The following ZNF135 variants were observed in gnomAD, a reference collection of about 807,000 sequenced individuals.
ZNF135 encodes the protein zinc finger protein 135.
Under a neutral mutation model 12.3 loss-of-function variants are expected in ZNF135, and 11 were observed. The ratio of observed to expected loss-of-function variants is 0.89; its 90% CI spans 0.56 to 1.48. The LOEUF is 1.48. ZNF135 is among the 40% of genes most tolerant of loss of function. The probability of loss-of-function intolerance (pLI) is 0.00; values close to 1 mark genes in which losing one functional copy is unlikely to be tolerated. For missense variants in ZNF135, 722 were observed against 815.7 expected (o/e 0.89, Z 1.40); for synonymous variants, 316 against 312.0 (o/e 1.01, Z -0.14).
rs756644356 is a variant in ZNF135, at chr19:58,060,572, A to T, written c.33+537A>T. 6.6e-6 allele frequency among the ~76,000 whole-genome samples: 1 copy of T among 152,180 alleles called. No homozygotes were observed. The highest frequency in any genetic ancestry group is 1.5e-5 in the Non-Finnish European group (1 of 68,024). ...GGCGCATCGAGTGCCGCTTCCTCAG[A>T]CGTCATGGAGGCCAAGGGGGCGGAA... On this transcript the variant is annotated intron_variant, in intron 2 of 4. Coordinates refer to ENST00000313434, the MANE Select transcript of ZNF135 (RefSeq NM_001289401.2). The surrounding 1 kb of genome is among the most constrained non-coding windows in gnomAD (Gnocchi z 4.9).
rs1762251849 is a variant in ZNF135 at position 58,059,592 on chromosome 19, C to G, written c.-35+282C>G. 1.9e-6 allele frequency: 1 copy of G among 523,256 alleles called. No homozygotes were observed. The highest frequency in any genetic ancestry group is 3.3e-6 in the Non-Finnish European group (1 of 299,738). The allele number at this position is 523,256 out of a possible 1,614,324, so 32.4% of individuals were successfully genotyped here. The stretch of plus-strand genomic sequence containing the variant: ...CCCTGAGGGAACGCGCGCCCCGCCC[C>G]TGGCCCCACCTCTGCCCCACACCGG... On this transcript the variant is annotated intron_variant, in intron 1 of 4. Coordinates refer to ENST00000313434, the MANE Select transcript of ZNF135 (RefSeq NM_001289401.2). The surrounding 1 kb of genome is among the most constrained non-coding windows in gnomAD (Gnocchi z 6.5).
At position 58,060,323 on chromosome 19, in the gene ZNF135, C is replaced by G. The variant is rs8100176; in HGVS notation, c.33+288C>G. The G allele has an allele frequency of 6.7e-3, 9,082 of 1,345,550 alleles. 484 individuals are homozygous for G. The African/African-American group carries it at 0.12, about 17-fold the overall frequency. 83.4% of individuals were successfully genotyped at this position (1,345,550 alleles called of 1,614,324 possible). A position where few individuals can be genotyped will look rare whatever the true frequency, so the allele number is the denominator to read the frequency against. ...CTCGTGTCCGGCCTCTACCTGCACACCCGGCCTCCTAAAGTCCGCGCCAAG... is the reference window on the plus strand; with the variant it reads ...CTCGTGTCCGGCCTCTACCTGCACAGCCGGCCTCCTAAAGTCCGCGCCAAG... On this transcript the variant is annotated intron_variant, in intron 2 of 4. Coordinates refer to ENST00000313434, the MANE Select transcript of ZNF135 (RefSeq NM_001289401.2). This position sits in a 1 kb window ranked among gnomAD's most constrained non-coding sequence, Gnocchi z 4.9.
At chr19:58,064,800 A>G (rs1289264096) in intron 4 of ZNF135, among the ~76,000 whole-genome samples, 1 of 152,106 alleles carries the variant, frequency 6.6e-6, no homozygotes, top group Non-Finnish European at 1.5e-5. Context: ...CTGAGGCAGG[A>G]GAACTGCTTG....
At position 58,060,200 on chromosome 19, in the gene ZNF135, G is replaced by A; in HGVS notation, c.33+165G>A. The A allele has an allele frequency of 6.8e-7, 1 of 1,477,660 alleles. No individual in the cohort carries two copies. Among genetic ancestry groups the A allele is most frequent in the Admixed American group, 2.1e-5 (1 of 47,464 alleles). The allele number at this position is 1,477,660 out of a possible 1,614,324, so 91.5% of individuals were successfully genotyped here. ...CGTGCCCGGCCCCTACTCGTGCCCG[G>A]CCTCTACTCGCACAACTGGCCTCTA... On this transcript the variant is annotated intron_variant, in intron 2 of 4. Coordinates refer to ENST00000313434, the MANE Select transcript of ZNF135 (RefSeq NM_001289401.2). This position sits in a 1 kb window ranked among gnomAD's most constrained non-coding sequence, Gnocchi z 4.9.
rs757246695 is a variant in ZNF135 at position 58,068,052 on chromosome 19, A to C, written c.1568A>C (p.Glu523Ala). The change falls in exon 5 of 5, where the codon GAA (glutamate) becomes GCA (alanine). Residue 523 changes from glutamate (E) to alanine (A), a missense_variant. By Grantham distance (107) the Glu-to-Ala change is moderately radical. Transcript: ENST00000313434. Reference sequence around the variant, plus strand: ...ATCCACACTGGGGAGAAGCCCTACGAATGCAACCAGTGTGGCAGAGCCTTC... The same window carrying C: ...ATCCACACTGGGGAGAAGCCCTACGCATGCAACCAGTGTGGCAGAGCCTTC... ...QRIHTGEKPY[E>A]CNQCGRAFSQ... 1.2e-6 allele frequency: 2 copies of C among 1,613,946 alleles called. No individual in the cohort carries two copies. Among genetic ancestry groups the C allele is most frequent in the South Asian group, 2.2e-5 (2 of 91,066 alleles).
chr19:58,066,586 C>T, intron 4 of ZNF135, 155 bp from the exon 5 acceptor site: 13 of 960,900 alleles, frequency 1.4e-5, no homozygotes, highest in South Asian at 1.1e-4. Flanking sequence ...TCTTCCTTTC[C>T]TGGTTTGCAA....
At position 58,063,697 on chromosome 19, in the gene ZNF135, A is replaced by G. The variant is rs1460578270; in HGVS notation, c.256+156A>G. On this transcript the variant is annotated intron_variant, in intron 4 of 4. Transcript: ENST00000313434. This position sits in a 1 kb window ranked among gnomAD's most constrained non-coding sequence, Gnocchi z 4.4. Reference sequence around the variant, plus strand: ...CCATTTTGCTGTGAGTGACGACACCACGTCCTCATCTCCACTGAATTTATA... The same window carrying G: ...CCATTTTGCTGTGAGTGACGACACCGCGTCCTCATCTCCACTGAATTTATA... 2.0e-5 allele frequency: 28 copies of G among 1,422,046 alleles called. No individual in the cohort carries two copies. The highest frequency in any genetic ancestry group is 2.5e-5 in the Non-Finnish European group (27 of 1,086,368). The allele number at this position is 1,422,046 out of a possible 1,614,324, so 88.1% of individuals were successfully genotyped here.
rs1456379628 is a variant in ZNF135 at position 58,060,914 on chromosome 19, C to T, written c.34-666C>T. 1.3e-5 allele frequency among the ~76,000 whole-genome samples: 2 copies of T among 152,142 alleles called. No homozygotes were observed. Among genetic ancestry groups the T allele is most frequent in the Admixed American group, 6.5e-5 (1 of 15,276 alleles). On this transcript the variant is annotated intron_variant, in intron 2 of 4. Coordinates refer to ENST00000313434, the MANE Select transcript of ZNF135 (RefSeq NM_001289401.2). This position sits in a 1 kb window ranked among gnomAD's most constrained non-coding sequence, Gnocchi z 4.9. Reference sequence around the variant, plus strand: ...GGCCGAGGTGGGCGGATCACGAGGTCAGGAGATCGAGACCATCCTGGCGAA... The same window carrying T: ...GGCCGAGGTGGGCGGATCACGAGGTTAGGAGATCGAGACCATCCTGGCGAA...
In ZNF135 at chr19:58,068,226, A is replaced by G; in HGVS notation, c.1742A>G (p.Asn581Ser). Residue 581 changes from asparagine (N) to serine (S), a missense_variant, in exon 5 of 5, where the codon AAT becomes AGT. Coordinates refer to ENST00000313434, the MANE Select transcript of ZNF135 (RefSeq NM_001289401.2). ...IHTKEKPYGC[N>S]ECGKSFSHSS... The stretch of plus-strand genomic sequence containing the variant: ...ACCAAGGAAAAGCCGTATGGGTGCA[A>G]TGAGTGTGGGAAATCCTTCAGCCAC... 6.2e-7 allele frequency: 1 copy of G among 1,613,754 alleles called. No individual in the cohort carries two copies. The highest frequency in any genetic ancestry group is 8.5e-7 in the Non-Finnish European group (1 of 1,179,924).
At chr19:58,064,265 C>T (rs2074030932) in intron 4 of ZNF135, among the ~76,000 whole-genome samples, 1 of 152,152 alleles carries the variant, frequency 6.6e-6, no homozygotes. Context: ...ACATCAATAA[C>T]AGCCCTTACC....
At position 58,060,985 on chromosome 19, in the gene ZNF135, C is replaced by T. The variant is rs374636646; in HGVS notation, c.34-595C>T. Among the ~76,000 whole-genome samples the T allele has an allele frequency of 4.6e-5, 7 of 151,946 alleles. No homozygotes were observed. The highest frequency in any genetic ancestry group is 2.1e-4 in the South Asian group (1 of 4,808). The stretch of plus-strand genomic sequence containing the variant: ...ACTAAAAATACAAAAAAAAATTAGC[C>T]GGGGGGGTGGCGGGCGCCTGTAGTC... On this transcript the variant is annotated intron_variant, in intron 2 of 4. Transcript: ENST00000313434. This position sits in a 1 kb window ranked among gnomAD's most constrained non-coding sequence, Gnocchi z 4.9.
intron 3 of ZNF135, among the ~76,000 whole-genome samples, chr19:58,062,099 G>T (rs1568612401): frequency 6.7e-6 from 1 of 149,620 alleles, no homozygotes; most frequent in Non-Finnish European, 1.5e-5. Context: ...ATAGATATTT[G>T]TTGCTCATGG....
chr19:58,059,954 T>G lies in ZNF135; in HGVS notation c.-34-15T>G. 6.2e-7 allele frequency: 1 copy of G among 1,611,292 alleles called. No individual in the cohort carries two copies. The highest frequency in any genetic ancestry group is 2.2e-5 in the East Asian group (1 of 44,814). The stretch of plus-strand genomic sequence containing the variant: ...CCTCTGCCTGCCCCAGCTGCTCACC[T>G]CCCCTTTCCCACAGAGCAGGGCCAG... On this transcript the variant is annotated splice_polypyrimidine_tract_variant and intron_variant, in intron 1 of 4. Transcript: ENST00000313434. This position sits in a 1 kb window ranked among gnomAD's most constrained non-coding sequence, Gnocchi z 6.5.
chr19:58,068,047 C>T lies in ZNF135; in HGVS notation c.1563C>T (p.Pro521=). The T allele has an allele frequency of 6.2e-7, 1 of 1,614,176 alleles. No homozygotes were observed. Among genetic ancestry groups the T allele is most frequent in the Non-Finnish European group, 8.5e-7 (1 of 1,180,032 alleles). ...KHQRIHTGEK[P]YECNQCGRAF... is the part of the protein sequence containing the mutation. The stretch of plus-strand genomic sequence containing the variant: ...AGCGAATCCACACTGGGGAGAAGCC[C>T]TACGAATGCAACCAGTGTGGCAGAG... The change falls in exon 5 of 5, where the codon CCC becomes CCT. Residue 521 remains proline (P), a synonymous_variant. Coordinates refer to ENST00000313434, the MANE Select transcript of ZNF135 (RefSeq NM_001289401.2).
chr19:58,065,278 T>C lies in ZNF135; in HGVS notation c.257-1463T>C, dbSNP rs1288910488. Among the ~76,000 whole-genome samples the C allele has an allele frequency of 6.6e-6, 1 of 152,142 alleles. No homozygotes were observed. Among genetic ancestry groups the C allele is most frequent in the Admixed American group, 6.5e-5 (1 of 15,274 alleles). On this transcript the variant is annotated intron_variant, in intron 4 of 4. Transcript: ENST00000313434. This position sits in a 1 kb window ranked among gnomAD's most constrained non-coding sequence, Gnocchi z 4.0. Reference sequence around the variant, plus strand: ...GTATGATCATGGCTCACAGCAACCTTGACCTTCTGGGCTCAGGTGATCCTC... The same window carrying C: ...GTATGATCATGGCTCACAGCAACCTCGACCTTCTGGGCTCAGGTGATCCTC...
chr19:58,060,459 C>G lies in ZNF135; in HGVS notation c.33+424C>G. On this transcript the variant is annotated intron_variant, in intron 2 of 4. Transcript: ENST00000313434. This position sits in a 1 kb window ranked among gnomAD's most constrained non-coding sequence, Gnocchi z 4.9. ...ATGTTTGTGCGGCCGTCATTGCATACCTGAGGCTGGGTGATGTCAGAAAAT... is the reference window on the plus strand; with the variant it reads ...ATGTTTGTGCGGCCGTCATTGCATAGCTGAGGCTGGGTGATGTCAGAAAAT... 4 of 1,077,742 alleles carry G rather than the reference C, an allele frequency of 3.7e-6. No individual in the cohort carries two copies. The highest frequency in any genetic ancestry group is 4.5e-6 in the Non-Finnish European group (4 of 885,294). The allele number at this position is 1,077,742 out of a possible 1,614,324, so 66.8% of individuals were successfully genotyped here.
At chr19:58,066,664 C>T (rs1226370388) in intron 4 of ZNF135, 77 bp from the exon 5 acceptor site, 5 of 1,556,724 alleles carry the variant, frequency 3.2e-6, no homozygotes, top group Non-Finnish European at 4.3e-6. Context: ...TTTTATCCTT[C>T]CTCTTCCCAT....
intron 3 of ZNF135, among the ~76,000 whole-genome samples, chr19:58,062,643 A>T (rs1392651138): frequency 6.6e-6 from 1 of 151,262 alleles, no homozygotes; most frequent in African/African-American, 2.4e-5. Flanking sequence ...CACCCACCTT[A>T]GCCTCCCAAA....
chr19:58,064,238 C>T (rs1424431722), intron 4 of ZNF135, among the ~76,000 whole-genome samples: 1 of 152,126 alleles, frequency 6.6e-6, no homozygotes, highest in Non-Finnish European at 1.5e-5. Flanking sequence ...GGGAAAGGGT[C>T]ACAGTAGGGT....
Sources: allele counts gnomAD v4.1 joint callset (sites outside exome capture counted in the v4.1 genomes callset), GRCh38; gene constraint gnomAD v4.1.1; non-coding constraint Gnocchi (gnomAD v3.1); transcripts MANE v1.5; gene names NCBI Gene and HGNC (gene_info 2026-07-23, HGNC 2026-07-21).